The following CNTN4 variants were observed in gnomAD, a reference collection of about 807,000 sequenced individuals.
CNTN4 encodes contactin 4, also known as contactin-4.
CNTN4 carries 77 observed loss-of-function variants against 122.5 expected under a neutral mutation model. The observed-to-expected ratio is 0.63, with a 90% CI of 0.52 to 0.76. CNTN4 has a LOEUF of 0.76. Ranked by LOEUF, CNTN4 falls within the 30% of genes least tolerant of loss-of-function variation. The probability of loss-of-function intolerance (pLI) is 0.00; values close to 1 mark genes in which losing one functional copy is unlikely to be tolerated. For missense variants in CNTN4, 1,256 were observed against 1,259.1 expected, an observed-to-expected ratio of 1.00 and a Z score of 0.04; for synonymous variants, 512 against 447.0, an observed-to-expected ratio of 1.15 and a Z score of -1.83.
At chr3:2,600,005 CTTCTTTTTTTTTTTTT>C (rs1429867470) in intron 4 of CNTN4, among the ~76,000 whole-genome samples, 9 of 28,302 alleles carry the variant, frequency 3.2e-4, no homozygotes, top group Admixed American at 4.5e-4. Context: ...TTATGGAATT[CTTCTTTTTTTTTTTTT>C]TTTTTTTTTT....
In CNTN4 at chr3:3,026,016, A is replaced by T. The variant is rs74726643; in HGVS notation, c.1487-86A>T. The stretch of plus-strand genomic sequence containing the variant: ...ATAAAGCAAAATTACTTAGTATTTC[A>T]TCCTGCTCTTGGAGTCTACATTGTA... On this transcript the variant is annotated intron_variant, in intron 14 of 24. Coordinates refer to ENST00000418658, the MANE Select transcript of CNTN4 (RefSeq NM_175607.3). 6.6e-3 allele frequency: 8,605 copies of T among 1,299,582 alleles called. 255 individuals carry two copies. The African/African-American group carries it at 0.067, about 10-fold the overall frequency. The allele number at this position is 1,299,582 out of a possible 1,614,324, so 80.5% of individuals were successfully genotyped here.
At chr3:2,675,478 A>G (rs2084791775) in intron 4 of CNTN4, among the ~76,000 whole-genome samples, 1 of 152,124 alleles carries the variant, frequency 6.6e-6, no homozygotes, top group Non-Finnish European at 1.5e-5. Flanking sequence ...CAATTTCCCT[A>G]TTTTGATAGC....
chr3:2,819,635 C>G, intron 7 of CNTN4, 54 bp downstream of exon 7: 1 of 1,261,556 alleles, frequency 7.9e-7, no homozygotes, highest in Non-Finnish European at 1.2e-6. Context: ...ATTTTTCTTC[C>G]TCAATGTTCT....
intron 2 of CNTN4, among the ~76,000 whole-genome samples, chr3:2,291,713 A>G (rs1222553206): frequency 6.6e-6 from 1 of 151,796 alleles, no homozygotes; most frequent in East Asian, 1.9e-4. Context: ...TTGAACTATA[A>G]TATTTTATTT....
intron 3 of CNTN4, among the ~76,000 whole-genome samples, chr3:2,510,685 G>C (rs377251951): frequency 9.9e-5 from 15 of 152,090 alleles, no homozygotes; most frequent in Non-Finnish European, 1.5e-5. Flanking sequence ...CTGGGCAAAA[G>C]CGTGTGTGGC....
chr3:2,831,722 A>T (rs1319235501), intron 7 of CNTN4, among the ~76,000 whole-genome samples: 1 of 152,214 alleles, frequency 6.6e-6, no homozygotes, highest in African/African-American at 2.4e-5. Context: ...CACAGCTGGG[A>T]AGACAGTTGC....
chr3:2,567,338 G>A (rs546653429), intron 3 of CNTN4, among the ~76,000 whole-genome samples: 74 of 151,236 alleles, frequency 4.9e-4, no homozygotes, highest in Non-Finnish European at 9.4e-4. Context: ...CACCCACCTC[G>A]GCCTCCCAAA....
chr3:3,035,238 G>A (rs574977441), intron 17 of CNTN4, among the ~76,000 whole-genome samples: 49 of 149,666 alleles, frequency 3.3e-4, no homozygotes, highest in African/African-American at 1.2e-3. Flanking sequence ...AGCCCAGGAG[G>A]TAGAGGTTGC....
intron 7 of CNTN4, among the ~76,000 whole-genome samples, chr3:2,852,207 T>C (rs2093560521): frequency 6.6e-6 from 1 of 152,214 alleles, no homozygotes; most frequent in Non-Finnish European, 1.5e-5. Flanking sequence ...TGGCTTTGTT[T>C]AATGTTAAGT....
At chr3:2,637,793 A>ACCTT in intron 4 of CNTN4, among the ~76,000 whole-genome samples, 1 of 152,120 alleles carries the variant, frequency 6.6e-6, no homozygotes, top group Non-Finnish European at 1.5e-5. Flanking sequence ...TCTAATACTC[A>ACCTT]TGCCTACCCT....
chr3:2,367,692 C>T (rs1379030792), intron 3 of CNTN4, among the ~76,000 whole-genome samples: 3 of 152,138 alleles, frequency 2.0e-5, no homozygotes, highest in Non-Finnish European at 4.4e-5. Flanking sequence ...ACCATGTTGA[C>T]CAGGCTGGTC....
intron 3 of CNTN4, among the ~76,000 whole-genome samples, chr3:2,382,435 A>G (rs970238913): frequency 4.6e-4 from 70 of 152,058 alleles, no homozygotes; most frequent in Non-Finnish European, 9.4e-4. Flanking sequence ...GATTGCAGGC[A>G]TGAGCCACTG....
At chr3:2,192,931 C>A (rs527569740) in intron 2 of CNTN4, among the ~76,000 whole-genome samples, 3 of 152,110 alleles carry the variant, frequency 2.0e-5, no homozygotes, top group African/African-American at 7.2e-5. Context: ...GTGATCCAGG[C>A]ATATAATAGA....
chr3:2,156,845 A>G (rs1006918057), intron 2 of CNTN4, among the ~76,000 whole-genome samples: 2 of 152,194 alleles, frequency 1.3e-5, no homozygotes, highest in African/African-American at 4.8e-5. Flanking sequence ...TGAGATTACT[A>G]AGAGCTATGG....
At chr3:2,542,911 T>A (rs1467126284) in intron 3 of CNTN4, among the ~76,000 whole-genome samples, 1 of 152,136 alleles carries the variant, frequency 6.6e-6, no homozygotes, top group Admixed American at 6.6e-5. Flanking sequence ...GTTGTATTCA[T>A]GATGGCCTTG....
At chr3:2,939,194 A>G (rs1013995565) in intron 13 of CNTN4, among the ~76,000 whole-genome samples, 4 of 152,212 alleles carry the variant, frequency 2.6e-5, no homozygotes, top group Non-Finnish European at 5.9e-5. Context: ...GTAAATATCC[A>G]TCATGATGTT....
chr3:2,507,066 T>C (rs1427705115), intron 3 of CNTN4, among the ~76,000 whole-genome samples: 1 of 152,194 alleles, frequency 6.6e-6, no homozygotes, highest in Admixed American at 6.5e-5. Context: ...TAAAATAACT[T>C]CCAAGGCAAA....
intron 7 of CNTN4, among the ~76,000 whole-genome samples, chr3:2,848,132 T>G (rs1271035727): frequency 6.6e-6 from 1 of 151,968 alleles, no homozygotes; most frequent in Non-Finnish European, 1.5e-5. Flanking sequence ...ACACCTGTAG[T>G]CCCCAGCTAC....
At chr3:2,825,373 G>A (rs775189743) in intron 7 of CNTN4, among the ~76,000 whole-genome samples, 6 of 152,036 alleles carry the variant, frequency 3.9e-5, no homozygotes, top group African/African-American at 1.2e-4. Flanking sequence ...ACAGGCACAT[G>A]CCACCATGCC....
Sources: gnomAD v4.1 joint callset for allele counts (sites outside exome capture counted in the v4.1 genomes callset) on GRCh38, gnomAD v4.1.1 for gene constraint, MANE v1.5 for transcripts, NCBI Gene and HGNC (gene_info 2026-07-23, HGNC 2026-07-21) for gene names.